AHCYL2: variants seen among roughly 807,000 people sequenced by gnomAD.
AHCYL2 encodes adenosylhomocysteinase like 2.
Under a neutral mutation model 81.4 loss-of-function variants are expected in AHCYL2, and 28 were observed. That is an observed-to-expected ratio of 0.34 (90% confidence interval 0.25 to 0.47). The LOEUF (loss-of-function observed/expected upper bound fraction) is 0.47, where lower values mean the gene tolerates loss of function less well. AHCYL2 is among the 20% of genes least tolerant of loss of function. The pLI is 1.00. For synonymous variants in AHCYL2, 272 were observed against 290.2 expected (o/e 0.94, Z 0.64); for missense variants, 551 against 785.1 (o/e 0.70, Z 3.56).
At chr7:129,248,552 C>A (rs1795139027) in intron 1 of AHCYL2, among the ~76,000 whole-genome samples, 1 of 137,712 alleles carries the variant, frequency 7.3e-6, no homozygotes, top group Non-Finnish European at 1.5e-5. Flanking sequence ...TTGGTTGAAT[C>A]TGTGGATGCA....
intron 11 of AHCYL2, chr7:129,410,431 C>G: frequency 6.6e-7 from 1 of 1,510,732 alleles, no homozygotes; most frequent in East Asian, 2.3e-5. Context: ...GGATTATCCT[C>G]AGCGTCCAAA....
In AHCYL2 at chr7:129,384,364, T is replaced by G. The variant is rs527655407; in HGVS notation, c.475+4615T>G. On this transcript the variant is annotated intron_variant, in intron 2 of 16. Transcript: ENST00000325006. ...TTTGGTCTTTTCCTTTCTATTTAAA[T>G]GCAGGATCCATGAGAACAGAGATTT... is the stretch of plus-strand genomic sequence containing the variant. Among the ~76,000 whole-genome samples the G allele has an allele frequency of 1.6e-4, 24 of 151,202 alleles. No homozygotes were observed. The South Asian group carries it at 3.7e-3, about 24-fold the overall frequency.
intron 1 of AHCYL2, among the ~76,000 whole-genome samples, chr7:129,284,821 G>A (rs562801840): frequency 5.8e-4 from 88 of 151,998 alleles, no homozygotes; most frequent in African/African-American, 2.0e-3. Flanking sequence ...TTTCAAACTA[G>A]AAAAATGTCT....
intron 1 of AHCYL2, among the ~76,000 whole-genome samples, chr7:129,251,815 C>T (rs1050807963): frequency 6.6e-6 from 1 of 152,106 alleles, no homozygotes; most frequent in African/African-American, 2.4e-5. Flanking sequence ...AGTTCAAATA[C>T]GTCCATTAAT....
chr7:129,363,394 C>CA (rs1341978636), intron 1 of AHCYL2, among the ~76,000 whole-genome samples: 1 of 152,080 alleles, frequency 6.6e-6, no homozygotes, highest in Non-Finnish European at 1.5e-5. Context: ...GTAATAGCTA[C>CA]TATTTTATTT....
intron 12 of AHCYL2, among the ~76,000 whole-genome samples, chr7:129,420,774 C>CTGT (rs1056156453): frequency 5.6e-4 from 86 of 152,242 alleles, no homozygotes; most frequent in African/African-American, 1.9e-3. Context: ...GCATGAACCA[C>CTGT]TGTGCCTTTC....
chr7:129,380,678 A>G (rs1236230774), intron 2 of AHCYL2, among the ~76,000 whole-genome samples: 1 of 152,190 alleles, frequency 6.6e-6, no homozygotes, highest in African/African-American at 2.4e-5. Flanking sequence ...GATGTAAAGC[A>G]TATGATATCA....
At chr7:129,315,215 T>C (rs1013887107) in intron 1 of AHCYL2, among the ~76,000 whole-genome samples, 2 of 152,200 alleles carry the variant, frequency 1.3e-5, no homozygotes, top group African/African-American at 4.8e-5. Context: ...ATAATTCTTC[T>C]AAAATATTGA....
At chr7:129,280,881 T>C (rs1796415578) in intron 1 of AHCYL2, among the ~76,000 whole-genome samples, 1 of 151,824 alleles carries the variant, frequency 6.6e-6, no homozygotes, top group African/African-American at 2.4e-5. Flanking sequence ...TTTTTTTTTT[T>C]TGAGACAGAG....
At chr7:129,353,915 T>G (rs11979476) in intron 1 of AHCYL2, among the ~76,000 whole-genome samples, 40,207 of 151,316 alleles carry the variant, frequency 0.27, 5,384 homozygotes, top group South Asian at 0.37. Context: ...GAGTATAATA[T>G]CAGAAAAGCC....
chr7:129,256,607 A>G (rs1258894084), intron 1 of AHCYL2, among the ~76,000 whole-genome samples: 1 of 121,796 alleles, frequency 8.2e-6, no homozygotes, highest in Non-Finnish European at 1.6e-5. Context: ...AGTCTATATA[A>G]TATTTCATTG....
intron 1 of AHCYL2, among the ~76,000 whole-genome samples, chr7:129,374,972 A>G (rs1464679524): frequency 6.6e-6 from 1 of 151,888 alleles, no homozygotes; most frequent in Non-Finnish European, 1.5e-5. Context: ...TTCAGAAATC[A>G]GCAAATAAAT....
chr7:129,303,665 T>C (rs555191404), intron 1 of AHCYL2, among the ~76,000 whole-genome samples: 2 of 152,360 alleles, frequency 1.3e-5, no homozygotes, highest in South Asian at 4.1e-4. Flanking sequence ...TCTCCTCTGA[T>C]CTTTATTTAT....
At chr7:129,253,289 A>C (rs1238366352) in intron 1 of AHCYL2, among the ~76,000 whole-genome samples, 2 of 152,138 alleles carry the variant, frequency 1.3e-5, no homozygotes, top group Non-Finnish European at 2.9e-5. Flanking sequence ...TCTTGAGAAG[A>C]AGAAGGGACC....
rs1046076335 is a variant in AHCYL2, at chr7:129,233,340, G to A, written c.363+7901G>A. Among the ~76,000 whole-genome samples the A allele has an allele frequency of 4.5e-4, 69 of 151,718 alleles. 1 individual carries two copies. The highest frequency in any genetic ancestry group is 1.7e-3 in the African/African-American group (69 of 41,284). ...GCCAGAACTACAAGTGTGCTACCAC[G>A]CCTGGCTATTTTTTTATTTTTTTGT... is the stretch of plus-strand genomic sequence containing the variant. On this transcript the variant is annotated intron_variant, in intron 1 of 16. Transcript: ENST00000325006.
At chr7:129,336,217 G>A (rs1232559189) in intron 1 of AHCYL2, among the ~76,000 whole-genome samples, 3 of 151,830 alleles carry the variant, frequency 2.0e-5, no homozygotes, top group Non-Finnish European at 4.4e-5. Flanking sequence ...ACAGGTGCAT[G>A]CCACCATGCC....
chr7:129,232,765 G>A (rs937058668), intron 1 of AHCYL2, among the ~76,000 whole-genome samples: 5 of 152,242 alleles, frequency 3.3e-5, no homozygotes, highest in Non-Finnish European at 7.3e-5. Context: ...ATCCAGAACT[G>A]TGATGGTGCA....
In AHCYL2 at chr7:129,226,127, G is replaced by A. The variant is rs567542998; in HGVS notation, c.363+688G>A. 2.9e-4 allele frequency among the ~76,000 whole-genome samples: 44 copies of A among 152,362 alleles called. No individual in the cohort carries two copies. In the South Asian group the frequency reaches 7.9e-3, roughly 27 times the overall value. On this transcript the variant is annotated intron_variant, in intron 1 of 16. Transcript: ENST00000325006. The stretch of plus-strand genomic sequence containing the variant: ...AGGATTATTAGGCTGTGTATGAAGA[G>A]AATGAATGTCTTATTGATTGCTTTA...
intron 1 of AHCYL2, among the ~76,000 whole-genome samples, chr7:129,227,054 T>G (rs1251012010): frequency 6.6e-6 from 1 of 152,226 alleles, no homozygotes; most frequent in African/African-American, 2.4e-5. Flanking sequence ...AGACCTGGAT[T>G]TGAAGCCTAG....
Sources: gnomAD v4.1 joint callset for allele counts (sites outside exome capture counted in the v4.1 genomes callset) on GRCh38, gnomAD v4.1.1 for gene constraint, MANE v1.5 for transcripts, NCBI Gene and HGNC (gene_info 2026-07-23, HGNC 2026-07-21) for gene names.